ZNF3: variants seen among roughly 807,000 people sequenced by gnomAD.
ZNF3 encodes C2-H2 type zinc finger protein.
ZNF3 carries 16 observed loss-of-function variants against 36.9 expected under a neutral mutation model. The ratio of observed to expected loss-of-function variants is 0.43; its 90% CI spans 0.29 to 0.66. ZNF3 has a LOEUF of 0.66. Among genes scored for constraint, ZNF3 ranks in the 30% least tolerant of loss-of-function variants. The pLI is 0.13. For synonymous variants in ZNF3, 201 were observed against 201.9 expected, an observed-to-expected ratio of 1.00 and a Z score of 0.04; for missense variants, 462 against 543.1, an observed-to-expected ratio of 0.85 and a Z score of 1.48.
Position 100,081,168 on chromosome 7 carries a change from C to A in ZNF3, c.-198+467G>T, listed in dbSNP as rs575958766. 5.3e-5 allele frequency among the ~76,000 whole-genome samples: 8 copies of A among 152,344 alleles called. No individual in the cohort carries two copies. In the South Asian group the frequency reaches 1.2e-3, roughly 24 times the overall value. On this transcript the variant is annotated intron_variant, in intron 1 of 5. Coordinates refer to ENST00000299667, the MANE Select transcript of ZNF3 (RefSeq NM_032924.5). The surrounding 1 kb of genome is among the most constrained non-coding windows in gnomAD (Gnocchi z 4.3). ...AATCGGCGTCTGCACCCACTCCCAG[C>A]CCTCGTGCTAACTGCGTACGCTTAG...
At chr7:100,063,953 C>A (rs755323552), downstream of ZNF3, 1 of 1,614,058 alleles carries the variant, frequency 6.2e-7, no homozygotes. Context: ...ACAAAACCCC[C>A]TCTTCAAGAG....
intron 5 of ZNF3, among the ~76,000 whole-genome samples, chr7:100,073,984 C>T (rs1388714451): frequency 2.6e-5 from 4 of 151,886 alleles, no homozygotes; most frequent in South Asian, 4.1e-4. Context: ...GGAAAAACTC[C>T]GTCTCTACTA....
At chr7:100,073,635 C>T (rs1370577708) in intron 5 of ZNF3, among the ~76,000 whole-genome samples, 1 of 151,752 alleles carries the variant, frequency 6.6e-6, no homozygotes, top group Non-Finnish European at 1.5e-5. Flanking sequence ...CAGGCATGAG[C>T]CACCGCGCCT....
chr7:100,076,638 A>G (rs1794161906), intron 3 of ZNF3, among the ~76,000 whole-genome samples: 1 of 152,102 alleles, frequency 6.6e-6, no homozygotes, highest in African/African-American at 2.4e-5. Context: ...CTTTTTGTCT[A>G]TGACCCATAA....
In ZNF3 at chr7:100,071,802, A is replaced by G; in HGVS notation, c.682T>C (p.Tyr228His). The G allele has an allele frequency of 6.2e-7, 1 of 1,613,814 alleles. No individual in the cohort carries two copies. The highest frequency in any genetic ancestry group is 8.5e-7 in the Non-Finnish European group (1 of 1,179,786). The change falls in exon 6 of 6, where the codon TAT (tyrosine) becomes CAT (histidine). Residue 228 changes from tyrosine to histidine, a missense_variant. Transcript: ENST00000299667. ...HQRIHTGEKP[Y>H]ECNECGKAFS... The stretch of plus-strand genomic sequence containing the variant: ...GCCTTCCCACACTCATTACATTCAT[A>G]GGGCTTTTCCCCAGTGTGGATTCTC...
chr7:100,066,512 C>T (rs1792656567), downstream of ZNF3, among the ~76,000 whole-genome samples: 1 of 150,738 alleles, frequency 6.6e-6, no homozygotes, highest in African/African-American at 2.4e-5. Flanking sequence ...GGGCGGATCA[C>T]GAGGTCAGGA....
chr7:100,074,095 C>T (rs889595960), intron 5 of ZNF3, among the ~76,000 whole-genome samples: 4 of 151,758 alleles, frequency 2.6e-5, no homozygotes, highest in East Asian at 1.9e-4. Context: ...GCAGAGGTTG[C>T]GGTGAGCCGA....
At position 100,077,174 on chromosome 7, in the gene ZNF3, G is replaced by A. The variant is rs879071723; in HGVS notation, c.55+129C>T. On this transcript the variant is annotated intron_variant, in intron 3 of 5. Coordinates refer to ENST00000299667, the MANE Select transcript of ZNF3 (RefSeq NM_032924.5). ...CTTCCCCACTAGGCTGTGAGTTACT[G>A]AATGGCGAAGAGTGTGTCTTATTCA... 1.9e-5 allele frequency: 21 copies of A among 1,124,122 alleles called. No individual in the cohort carries two copies. In the South Asian group the frequency reaches 2.7e-4, roughly 15 times the overall value. 69.6% of individuals were successfully genotyped at this position (1,124,122 alleles called of 1,614,324 possible).
downstream of ZNF3, among the ~76,000 whole-genome samples, chr7:100,065,735 G>A (rs1792618897): frequency 1.3e-5 from 2 of 151,426 alleles, no homozygotes; most frequent in African/African-American, 2.4e-5. Flanking sequence ...TAAGCTACAG[G>A]TTAAGTAAAC....
In ZNF3 at chr7:100,075,598, T is replaced by A. The variant is rs772766341; in HGVS notation, c.88A>T (p.Lys30Ter). The change falls in exon 4 of 6, where the codon AAG (lysine) becomes TAG (stop). Residue 30 changes from lysine to a stop codon, truncating the protein, a stop_gained. Transcript: ENST00000299667. LOFTEE classifies it high-confidence loss of function. ...LPSKVPAFSD[K>*]DSLGDEMLAA... ...AACATCTCATCCCCCAGGCTGTCCT[T>A]GTCGGAAAAGGCAGGAACTTTTGAA... is the stretch of plus-strand genomic sequence containing the variant. 39 of 1,613,984 alleles carry A rather than the reference T, an allele frequency of 2.4e-5. No individual in the cohort carries two copies. The highest frequency in any genetic ancestry group is 3.3e-5 in the Non-Finnish European group (39 of 1,180,024).
chr7:100,077,150 T>C (rs1351619609), intron 3 of ZNF3, 153 bp downstream of exon 3: 1 of 820,452 alleles, frequency 1.2e-6, no homozygotes, highest in East Asian at 2.6e-5. Flanking sequence ...TTCGGTCAGC[T>C]TCCCCACTAG....
At chr7:100,080,921 G>T (rs560136097) in intron 1 of ZNF3, among the ~76,000 whole-genome samples, 1 of 152,358 alleles carries the variant, frequency 6.6e-6, no homozygotes, top group African/African-American at 2.4e-5. Context: ...CTTTTCTGGA[G>T]AAAATAATAC....
chr7:100,078,862 C>T (rs1794556300), intron 2 of ZNF3: 1 of 152,076 alleles, frequency 6.6e-6, no homozygotes, highest in Admixed American at 6.6e-5. Context: ...TTCATAATTA[C>T]AGACTGTTAC....
Position 100,075,719 on chromosome 7 carries a change from G to A in ZNF3, c.56-89C>T. 3 of 1,295,986 alleles carry A rather than the reference G, an allele frequency of 2.3e-6. No homozygotes were observed. The South Asian group carries it at 3.7e-5, about 16-fold the overall frequency. The allele number at this position is 1,295,986 out of a possible 1,614,324, so 80.3% of individuals were successfully genotyped here. A position where few individuals can be genotyped will look rare whatever the true frequency, so the allele number is the denominator to read the frequency against. Reference sequence around the variant, plus strand: ...CTTCCCAACCCACAGAAAGCTCCCGGGGTCCTGGGACAACACAGGACCCTC... The same window carrying A: ...CTTCCCAACCCACAGAAAGCTCCCGAGGTCCTGGGACAACACAGGACCCTC... On this transcript the variant is annotated intron_variant, in intron 3 of 5. Coordinates refer to ENST00000299667, the MANE Select transcript of ZNF3 (RefSeq NM_032924.5).
chr7:100,069,029 C>T (rs182756841), downstream of ZNF3, among the ~76,000 whole-genome samples: 3 of 151,820 alleles, frequency 2.0e-5, no homozygotes, highest in East Asian at 5.8e-4. Context: ...AGCATTTCAC[C>T]ATGTTGGTCA....
chr7:100,071,767 C>G lies in ZNF3; in HGVS notation c.717G>C (p.Gln239His). ...TCTGATGCTGAATAAGGTGTGAGCT[C>G]TGGCTGAAGGCCTTCCCACACTCAT... ...ECNECGKAFS[Q>H]SSHLIQHQRI... is the part of the protein sequence containing the mutation. The change falls in exon 6 of 6, where the codon CAG becomes CAC. Residue 239 changes from glutamine to histidine, a missense_variant. Gln to His is a conservative substitution (Grantham distance 24). Coordinates refer to ENST00000299667, the MANE Select transcript of ZNF3 (RefSeq NM_032924.5). 1.2e-6 allele frequency: 2 copies of G among 1,613,924 alleles called. No individual in the cohort carries two copies. The highest frequency in any genetic ancestry group is 1.7e-6 in the Non-Finnish European group (2 of 1,179,900).
chr7:100,073,210 A>C (rs1384649625), intron 5 of ZNF3, among the ~76,000 whole-genome samples: 2 of 152,206 alleles, frequency 1.3e-5, no homozygotes, highest in East Asian at 3.9e-4. Flanking sequence ...CGGGGACAGA[A>C]GGGAAATGTA....
Position 100,071,206 on chromosome 7 carries a change from C to T in ZNF3, c.1278G>A (p.Gly426=), listed in dbSNP as rs756793608. The T allele has an allele frequency of 6.2e-7, 1 of 1,613,630 alleles. No individual in the cohort carries two copies. Among genetic ancestry groups the T allele is most frequent in the African/African-American group, 1.3e-5 (1 of 74,926 alleles). Residue 426 remains glycine, a synonymous_variant, in exon 6 of 6, where the codon GGG becomes GGA. Transcript: ENST00000299667. ...RIHTGEKPLN[G]IGMSKSSLRV... ...TGAGGGAGCTTTTGCTCATGCCGAT[C>T]CCATTCAAAGGCTTCTCTCCAGTGT...
upstream of ZNF3, chr7:100,081,904 C>T (rs1795049032): frequency 6.5e-6 from 1 of 152,912 alleles, no homozygotes; most frequent in African/African-American, 2.4e-5. This position sits in a 1 kb window ranked among gnomAD's most constrained non-coding sequence, Gnocchi z 4.3. Context: ...ACGCGGCACT[C>T]GGGGATCTTT....
Sources: gnomAD v4.1 joint callset for allele counts (sites outside exome capture counted in the v4.1 genomes callset) on GRCh38, gnomAD v4.1.1 for gene constraint, Gnocchi (gnomAD v3.1) non-coding constraint, MANE v1.5 for transcripts, NCBI Gene and HGNC (gene_info 2026-07-23, HGNC 2026-07-21) for gene names.